DLG2: variants seen among roughly 807,000 people sequenced by gnomAD.
The protein encoded by DLG2 is discs large MAGUK scaffold protein 2.
Under a neutral mutation model 132.5 loss-of-function variants are expected in DLG2, and 45 were observed. The observed-to-expected ratio is 0.34, with a 90% CI of 0.27 to 0.44. DLG2 has a LOEUF of 0.44. Ranked by LOEUF, DLG2 falls within the 20% of genes least tolerant of loss-of-function variation. The pLI, the probability that DLG2 is intolerant of heterozygous loss-of-function variation, is 1.00. For synonymous variants in DLG2, 424 were observed against 419.6 expected, an observed-to-expected ratio of 1.01 and a Z score of -0.13; for missense variants, 1,045 against 1,196.9, an observed-to-expected ratio of 0.87 and a Z score of 1.87.
intron 19 of DLG2, among the ~76,000 whole-genome samples, chr11:83,557,548 C>T (rs1565791772): frequency 6.6e-6 from 1 of 152,180 alleles, no homozygotes; most frequent in African/African-American, 2.4e-5. Flanking sequence ...TGCATCATGG[C>T]AATACACTTG....
intron 6 of DLG2, among the ~76,000 whole-genome samples, chr11:84,785,397 C>A (rs879871088): frequency 1.3e-4 from 20 of 152,050 alleles, no homozygotes; most frequent in Non-Finnish European, 2.4e-4. Context: ...TTACGCAAGA[C>A]TCCTCATGAG....
chr11:84,446,687 G>A (rs1414886465), intron 7 of DLG2, among the ~76,000 whole-genome samples: 2 of 151,660 alleles, frequency 1.3e-5, no homozygotes, highest in Non-Finnish European at 2.9e-5. Flanking sequence ...ACCCTGGGCT[G>A]GTGAATAAAG....
At chr11:83,643,804 G>T (rs187510561) in intron 18 of DLG2, 51 of 151,846 alleles carry the variant, frequency 3.4e-4, no homozygotes, top group African/African-American at 1.2e-3. Flanking sequence ...AGCAAAGCTG[G>T]GACTCAAACT....
chr11:83,885,397 AAAAAAGAAT>A (rs2067539122), intron 15 of DLG2, among the ~76,000 whole-genome samples: 1 of 152,224 alleles, frequency 6.6e-6, no homozygotes, highest in Admixed American at 6.5e-5. Flanking sequence ...AGTTTAGAGA[AAAAAAGAAT>A]AAAAAGAAAC....
chr11:84,767,658 T>C (rs528682020), intron 6 of DLG2, among the ~76,000 whole-genome samples: 125 of 152,136 alleles, frequency 8.2e-4, no homozygotes, highest in South Asian at 3.1e-3. Context: ...GATAGGATGA[T>C]TGATTCCATT....
In DLG2 at chr11:84,403,053, G is replaced by GT. The variant is rs200183919; in HGVS notation, c.519+131516dup. On this transcript the variant is annotated intron_variant, in intron 7 of 27. Coordinates refer to ENST00000376104, the MANE Select transcript of DLG2 (RefSeq NM_001142699.3). ...GTGGTATAAAGTGTTCTCAGACTGT[G>GT]TTTTTTTTTAATATCTGATATTTCA... Among the ~76,000 whole-genome samples the GT allele has an allele frequency of 5.2e-4, 78 of 150,764 alleles. No homozygotes were observed. The East Asian group carries it at 0.012, about 23-fold the overall frequency.
At chr11:85,483,340 T>TA (rs1332732858) in intron 3 of DLG2, among the ~76,000 whole-genome samples, 13 of 152,258 alleles carry the variant, frequency 8.5e-5, no homozygotes, top group Admixed American at 5.2e-4. Flanking sequence ...AAATTTTTTT[T>TA]AAAAAATGTG....
chr11:85,071,498 A>G (rs2065859406), intron 6 of DLG2, among the ~76,000 whole-genome samples: 1 of 151,866 alleles, frequency 6.6e-6, no homozygotes, highest in African/African-American at 2.4e-5. Context: ...GAAAGCGACA[A>G]TATGATAGGC....
chr11:84,402,640 T>C (rs1413611336), intron 7 of DLG2, among the ~76,000 whole-genome samples: 3 of 151,882 alleles, frequency 2.0e-5, no homozygotes, highest in Non-Finnish European at 4.4e-5. Flanking sequence ...CCCAGCACTT[T>C]GAGAGGCCGA....
chr11:85,028,561 C>T (rs1487606066), intron 6 of DLG2, among the ~76,000 whole-genome samples: 1 of 152,138 alleles, frequency 6.6e-6, no homozygotes, highest in Non-Finnish European at 1.5e-5. Flanking sequence ...CACCCAAAGT[C>T]CAGAGGGGGG....
At chr11:85,216,590 GT>G (rs2082611989) in intron 4 of DLG2, among the ~76,000 whole-genome samples, 1 of 152,132 alleles carries the variant, frequency 6.6e-6, no homozygotes, top group African/African-American at 2.4e-5. Context: ...ACATTAGCAT[GT>G]TTGAAAAATG....
At chr11:85,205,337 G>C (rs1015035841) in intron 4 of DLG2, among the ~76,000 whole-genome samples, 1 of 151,914 alleles carries the variant, frequency 6.6e-6, no homozygotes, top group Non-Finnish European at 1.5e-5. Flanking sequence ...AAAAAAAGTG[G>C]ATCTCATGGA....
intron 6 of DLG2, among the ~76,000 whole-genome samples, chr11:84,704,801 C>A (rs2059606620): frequency 6.6e-6 from 1 of 150,850 alleles, no homozygotes; most frequent in Non-Finnish European, 1.5e-5. Flanking sequence ...TTCTTCTAGA[C>A]AGAAACCCTG....
rs549528526 is a variant in DLG2 at position 85,576,657 on chromosome 11, T to G, written c.40+22000A>C. 2.6e-5 allele frequency among the ~76,000 whole-genome samples: 4 copies of G among 152,310 alleles called. No individual in the cohort carries two copies. The East Asian group carries it at 7.7e-4, about 29-fold the overall frequency. ...CCTCAGTCACAAAATTGTATCAGCT[T>G]ATGTTATAGTCCATGAACTCTGCTA... On this transcript the variant is annotated intron_variant, in intron 3 of 27. Coordinates refer to ENST00000376104, the MANE Select transcript of DLG2 (RefSeq NM_001142699.3).
chr11:85,132,618 A>G (rs2075810516), intron 5 of DLG2: 1 of 397,404 alleles, frequency 2.5e-6, no homozygotes, highest in Non-Finnish European at 5.1e-6. Flanking sequence ...GACCCCCCAG[A>G]CCCTCAGGGA....
chr11:85,597,077 T>C (rs1307372635), intron 3 of DLG2, among the ~76,000 whole-genome samples: 1 of 152,238 alleles, frequency 6.6e-6, no homozygotes, highest in Non-Finnish European at 1.5e-5. Context: ...AACTACATTA[T>C]TGGCGTTAAG....
intron 6 of DLG2, among the ~76,000 whole-genome samples, chr11:84,863,553 T>C (rs557451162): frequency 7.2e-4 from 109 of 152,226 alleles, no homozygotes; most frequent in Admixed American, 3.1e-3. Flanking sequence ...AACACACATA[T>C]TGAACAAACA....
chr11:84,381,152 A>C (rs2098747928), intron 7 of DLG2, among the ~76,000 whole-genome samples: 1 of 152,090 alleles, frequency 6.6e-6, no homozygotes, highest in African/African-American at 2.4e-5. Context: ...ATTTCCTGAC[A>C]ATCATAACTT....
rs189004502 is a variant in DLG2, at chr11:83,514,829, C to T, written c.2193+17879G>A. Reference sequence around the variant, plus strand: ...TTGGTTCTGTTTATATGCTGGATTACGTTTATTGATTTGCGTATGTTGAAC... The same window carrying T: ...TTGGTTCTGTTTATATGCTGGATTATGTTTATTGATTTGCGTATGTTGAAC... On this transcript the variant is annotated intron_variant, in intron 21 of 27. Coordinates refer to ENST00000376104, the MANE Select transcript of DLG2 (RefSeq NM_001142699.3). 9.2e-5 allele frequency among the ~76,000 whole-genome samples: 14 copies of T among 152,196 alleles called. No homozygotes were observed. The East Asian group carries it at 2.3e-3, about 25-fold the overall frequency.
Sources: allele counts gnomAD v4.1 joint callset (sites outside exome capture counted in the v4.1 genomes callset), GRCh38; gene constraint gnomAD v4.1.1; transcripts MANE v1.5; gene names NCBI Gene and HGNC (gene_info 2026-07-23, HGNC 2026-07-21).